The following MYOM1 variants were observed in gnomAD, a reference collection of about 807,000 sequenced individuals.
MYOM1 encodes myomesin 1, also known as myomesin-1.
MYOM1 carries 164 observed loss-of-function variants against 205.3 expected under a neutral mutation model. That is an observed-to-expected ratio of 0.80 (90% CI 0.70 to 0.91). The LOEUF is 0.91. Among genes scored for constraint, MYOM1 ranks in the 40% least tolerant of loss-of-function variants. The pLI is 0.00. For synonymous variants in MYOM1, 772 were observed against 789.4 expected, an observed-to-expected ratio of 0.98 and a Z score of 0.37; for missense variants, 2,011 against 2,127.3, an observed-to-expected ratio of 0.95 and a Z score of 1.08.
At chr18:3,076,283 G>A (rs1329534383) in intron 34 of MYOM1, among the ~76,000 whole-genome samples, 1 of 152,080 alleles carries the variant, frequency 6.6e-6, no homozygotes, top group Non-Finnish European at 1.5e-5. Context: ...GGGCAGGGTG[G>A]TCTCAAACTC....
intron 5 of MYOM1, among the ~76,000 whole-genome samples, chr18:3,181,626 T>C (rs906750269): frequency 1.3e-5 from 2 of 152,192 alleles, no homozygotes; most frequent in Non-Finnish European, 2.9e-5. Context: ...TCTGAATCTC[T>C]GCCTTTGTAA....
rs1425112993 is a variant in MYOM1 at position 3,086,069 on chromosome 18, T to C, written c.4220A>G (p.Lys1407Arg). ...TATAAGCAGGGTACATATACCATCC[T>C]TAAAGTCATGCTTTTCATCCACTGA... ...EISVDEKHDF[K>R]DGICTLLITE... Residue 1407 changes from lysine to arginine, a missense_variant, in exon 30 of 38, where the codon AAG becomes AGG. By Grantham distance (26) the Lys-to-Arg change is conservative. Transcript: ENST00000356443. 1 of 1,610,464 alleles carries C rather than the reference T, an allele frequency of 6.2e-7. No individual in the cohort carries two copies. The highest frequency in any genetic ancestry group is 1.3e-5 in the African/African-American group (1 of 74,900).
At chr18:3,117,329 G>A (rs1052080919) in intron 20 of MYOM1, among the ~76,000 whole-genome samples, 5 of 152,342 alleles carry the variant, frequency 3.3e-5, no homozygotes, top group African/African-American at 1.2e-4. Context: ...AGTATGCGCA[G>A]CCCACAAATG....
chr18:3,103,340 T>G (rs568906691), intron 22 of MYOM1, among the ~76,000 whole-genome samples: 2 of 152,348 alleles, frequency 1.3e-5, no homozygotes, highest in East Asian at 3.9e-4. Flanking sequence ...TTTCAAGAGA[T>G]TCAGCTCTTT....
intron 2 of MYOM1, among the ~76,000 whole-genome samples, chr18:3,212,534 A>G (rs926243119): frequency 1.3e-5 from 2 of 152,212 alleles, no homozygotes; most frequent in Non-Finnish European, 2.9e-5. Context: ...AAATTTTGCA[A>G]TAGAGTTGAG....
chr18:3,189,147 T>C lies in MYOM1; in HGVS notation c.432-60A>G, dbSNP rs2080870005. 1 of 1,488,848 alleles carries C rather than the reference T, an allele frequency of 6.7e-7. No homozygotes were observed. Among genetic ancestry groups the C allele is most frequent in the African/African-American group, 1.4e-5 (1 of 72,352 alleles). The allele number at this position is 1,488,848 out of a possible 1,614,324, so 92.2% of individuals were successfully genotyped here. A position where few individuals can be genotyped will look rare whatever the true frequency, so the allele number is the denominator to read the frequency against. On this transcript the variant is annotated intron_variant, in intron 3 of 37. Coordinates refer to ENST00000356443, the MANE Select transcript of MYOM1 (RefSeq NM_003803.4). This position sits in a 1 kb window ranked among gnomAD's most constrained non-coding sequence, Gnocchi z 4.8. ...GGATGGCAGTGATAAGATTGAGTAA[T>C]TTTACTAAGTTCAAAGTACCACATC...
intron 4 of MYOM1, 29 bp from the exon 5 acceptor site, chr18:3,187,666 A>G (rs1463265110): frequency 1.9e-6 from 3 of 1,549,044 alleles, no homozygotes; most frequent in Middle Eastern, 1.7e-4. Flanking sequence ...AAACAAACAT[A>G]TTACCAAAAT....
At chr18:3,124,300 T>C (rs1567918749) in intron 19 of MYOM1, among the ~76,000 whole-genome samples, 1 of 84,952 alleles carries the variant, frequency 1.2e-5, no homozygotes, top group East Asian at 2.4e-4. Context: ...ACTTTTCTTT[T>C]TTCTTTTTTT....
chr18:3,202,743 T>C (rs1265967688), intron 2 of MYOM1, among the ~76,000 whole-genome samples: 4 of 152,060 alleles, frequency 2.6e-5, no homozygotes, highest in African/African-American at 9.7e-5. Context: ...CAATAACTGA[T>C]AGAACAACTA....
rs745887070 is a variant in MYOM1 at position 3,129,538 on chromosome 18, A to G, written c.2507-19T>C. 1.9e-6 allele frequency: 3 copies of G among 1,595,974 alleles called. No homozygotes were observed. Among genetic ancestry groups the G allele is most frequent in the Admixed American group, 3.4e-5 (2 of 58,480 alleles). On this transcript the variant is annotated intron_variant, in intron 17 of 37. Coordinates refer to ENST00000356443, the MANE Select transcript of MYOM1 (RefSeq NM_003803.4). Reference sequence around the variant, plus strand: ...CCTCCCCCTACAGTTGCCAGACAACAACAGAAACGCATTGAGCCCGGACAG... The same window carrying G: ...CCTCCCCCTACAGTTGCCAGACAACGACAGAAACGCATTGAGCCCGGACAG...
intron 26 of MYOM1, among the ~76,000 whole-genome samples, chr18:3,091,183 GGA>G (rs2079220917): frequency 1.3e-5 from 2 of 152,132 alleles, no homozygotes; most frequent in African/African-American, 4.8e-5. Context: ...TGGTGTGGTG[GGA>G]TGCGCCTGTA....
chr18:3,172,906 A>G (rs935454444), intron 8 of MYOM1, among the ~76,000 whole-genome samples: 3 of 152,198 alleles, frequency 2.0e-5, no homozygotes, highest in African/African-American at 7.2e-5. Flanking sequence ...CTTCTCACCC[A>G]TGGGGCTGAT....
intron 28 of MYOM1, 39 bp from the exon 29 acceptor site, chr18:3,089,280 T>G (rs771648192): frequency 2.0e-6 from 3 of 1,495,528 alleles, no homozygotes; most frequent in Non-Finnish European, 2.8e-6. Flanking sequence ...ACTCTATTAA[T>G]CACAAATGCA....
rs761523215 is a variant in MYOM1, at chr18:3,135,557, C to T, written c.2199G>A (p.Gly733=). The T allele has an allele frequency of 1.2e-6, 2 of 1,613,054 alleles. No individual in the cohort carries two copies. Among genetic ancestry groups the T allele is most frequent in the South Asian group, 2.2e-5 (2 of 90,964 alleles). The part of the protein sequence containing the change: ...PSEATEVTVV[G]DKLDIPKAPG... ...TTTACAGTTGCTTACCAAGTTTGTC[C>T]CCTACCACAGTCACCTCCGTTGCCT... Residue 733 remains glycine (G), a synonymous_variant, in exon 15 of 38, where the codon GGG becomes GGA. Coordinates refer to ENST00000356443, the MANE Select transcript of MYOM1 (RefSeq NM_003803.4). This position sits in a 1 kb window ranked among gnomAD's most constrained non-coding sequence, Gnocchi z 4.1.
At chr18:3,113,382 A>G (rs925888553) in intron 21 of MYOM1, among the ~76,000 whole-genome samples, 1 of 151,912 alleles carries the variant, frequency 6.6e-6, no homozygotes, top group African/African-American at 2.4e-5. Flanking sequence ...CAGGCGGAGT[A>G]CAGTGGCACA....
At chr18:3,174,345 A>G (rs2080603867) in intron 6 of MYOM1, 137 bp from the exon 7 acceptor site, 1 of 700,424 alleles carries the variant, frequency 1.4e-6, no homozygotes, top group Non-Finnish European at 2.5e-6. Flanking sequence ...TTCTCCTGGT[A>G]CAGCTATTTG....
At chr18:3,148,495 G>A (rs1345604427) in intron 13 of MYOM1, among the ~76,000 whole-genome samples, 1 of 152,136 alleles carries the variant, frequency 6.6e-6, no homozygotes, top group African/African-American at 2.4e-5. Flanking sequence ...ACATGAAAAG[G>A]AGGAATTACG....
the MYOM1 span, among the ~76,000 whole-genome samples, chr18:3,234,347 C>T: frequency 1.3e-5 from 2 of 152,170 alleles, no homozygotes; most frequent in Admixed American, 6.5e-5. Flanking sequence ...TAACATTGTT[C>T]ACCGTACTAG....
chr18:3,188,525 A>G lies in MYOM1; in HGVS notation c.771+223T>C, dbSNP rs540039867. Among the ~76,000 whole-genome samples, 4 of 151,526 alleles carry G rather than the reference A, an allele frequency of 2.6e-5. No individual in the cohort carries two copies. The South Asian group carries it at 8.3e-4, about 32-fold the overall frequency. On this transcript the variant is annotated intron_variant, in intron 4 of 37. Coordinates refer to ENST00000356443, the MANE Select transcript of MYOM1 (RefSeq NM_003803.4). ...GTGCCTGTAATCCCAGCTACTTGGG[A>G]GGCTGAGGCAGAAGAATCGCTTGAA...
Sources: gnomAD v4.1 joint callset for allele counts (sites outside exome capture counted in the v4.1 genomes callset) on GRCh38, gnomAD v4.1.1 for gene constraint, Gnocchi (gnomAD v3.1) non-coding constraint, MANE v1.5 for transcripts, NCBI Gene and HGNC (gene_info 2026-07-23, HGNC 2026-07-21) for gene names.